Variants in SLIT1 observed in about 807,000 individuals in gnomAD.
SLIT1 encodes the protein slit homolog 1 protein.
In SLIT1, 66 loss-of-function variants were observed where a neutral mutation model predicts 186.1. The observed-to-expected ratio is 0.35, with a 90% CI of 0.29 to 0.44. The LOEUF (loss-of-function observed/expected upper bound fraction) is 0.44, where lower values mean the gene tolerates loss of function less well. Ranked by LOEUF, SLIT1 falls within the 20% of genes least tolerant of loss-of-function variation. The pLI is 1.00. For missense variants in SLIT1, 1,638 were observed against 2,037.4 expected (o/e 0.80, Z 3.77); for synonymous variants, 761 against 833.8 (o/e 0.91, Z 1.50).
At chr10:97,112,238 ACTCCCTGACAGAGCG>A (rs776473775) in intron 4 of SLIT1, among the ~76,000 whole-genome samples, 63 of 150,010 alleles carry the variant, frequency 4.2e-4, no homozygotes, top group Non-Finnish European at 8.9e-4. Context: ...AAGCTCCACC[ACTCCCTGACAGAGCG>A]CCCTGTGATA....
chr10:97,112,542 A>G (rs774146062), intron 4 of SLIT1, among the ~76,000 whole-genome samples: 1 of 152,156 alleles, frequency 6.6e-6, no homozygotes, highest in Non-Finnish European at 1.5e-5. Context: ...GCACTATCCA[A>G]TTTGATCTTC....
intron 25 of SLIT1, among the ~76,000 whole-genome samples, chr10:97,024,835 T>C (rs903529164): frequency 1.3e-5 from 2 of 152,178 alleles, no homozygotes; most frequent in Non-Finnish European, 2.9e-5. Context: ...TGTAGCTCAT[T>C]TAGAGAAAAA....
chr10:97,002,631 T>C (rs980778952), intron 35 of SLIT1, 73 bp downstream of exon 35: 14 of 1,397,824 alleles, frequency 1.0e-5, no homozygotes, highest in South Asian at 1.4e-5. Context: ...GTTGGAAAAC[T>C]GTGAGGCAGC....
Position 97,043,185 on chromosome 10 carries a change from C to T in SLIT1, c.1998-118G>A, listed in dbSNP as rs972792518. The T allele has an allele frequency of 6.9e-5, 91 of 1,314,666 alleles. No homozygotes were observed. Among genetic ancestry groups the T allele is most frequent in the Non-Finnish European group, 9.2e-5 (87 of 941,876 alleles). 81.4% of individuals were successfully genotyped at this position (1,314,666 alleles called of 1,614,324 possible). ...GGCCACATGGCACTGTCTCCCAGAC[C>T]ACCACCCATCACCAAGAGGACCGGC... On this transcript the variant is annotated intron_variant, in intron 19 of 36. Coordinates refer to ENST00000266058, the MANE Select transcript of SLIT1 (RefSeq NM_003061.3). The surrounding 1 kb of genome is among the most constrained non-coding windows in gnomAD (Gnocchi z 7.0).
intron 4 of SLIT1, among the ~76,000 whole-genome samples, chr10:97,083,488 C>A (rs933247998): frequency 6.6e-6 from 1 of 152,074 alleles, no homozygotes; most frequent in Non-Finnish European, 1.5e-5. Flanking sequence ...AAGCAGAGTG[C>A]GATCGTGAAC....
At chr10:97,137,345 T>C (rs1008300110) in intron 4 of SLIT1, among the ~76,000 whole-genome samples, 2 of 152,166 alleles carry the variant, frequency 1.3e-5, no homozygotes, top group Admixed American at 6.5e-5. Flanking sequence ...ATTCTCTTTG[T>C]TTGGGGGGAA....
chr10:97,095,293 A>G (rs936871783), intron 4 of SLIT1, among the ~76,000 whole-genome samples: 5 of 152,168 alleles, frequency 3.3e-5, no homozygotes, highest in Admixed American at 1.3e-4. Flanking sequence ...AAAAACAAAA[A>G]AAAGAGAGAG....
intron 4 of SLIT1, among the ~76,000 whole-genome samples, chr10:97,150,783 G>A (rs553182633): frequency 5.0e-4 from 76 of 152,316 alleles, no homozygotes; most frequent in South Asian, 1.7e-3. Context: ...GGCGGCATGC[G>A]TGGTGGGCGG....
intron 4 of SLIT1, among the ~76,000 whole-genome samples, chr10:97,075,288 C>T (rs1246474120): frequency 6.6e-6 from 1 of 152,254 alleles, no homozygotes; most frequent in Non-Finnish European, 1.5e-5. Context: ...TCAGTCTTCT[C>T]ATGGTAAAAT....
chr10:97,052,349 C>T (rs111453139), intron 13 of SLIT1, among the ~76,000 whole-genome samples: 17,942 of 152,112 alleles, frequency 0.12, 1,209 homozygotes, highest in South Asian at 0.17. Flanking sequence ...ATCTGCCCAC[C>T]TCAGCCTCCC....
intron 4 of SLIT1, among the ~76,000 whole-genome samples, chr10:97,079,805 G>A (rs901744272): frequency 6.6e-6 from 1 of 152,172 alleles, no homozygotes; most frequent in African/African-American, 2.4e-5. Context: ...CTCTAGTACA[G>A]CAATACCGGT....
At chr10:97,017,369 C>T (rs575834964) in intron 28 of SLIT1, among the ~76,000 whole-genome samples, 3 of 152,360 alleles carry the variant, frequency 2.0e-5, no homozygotes, top group Admixed American at 2.0e-4. Context: ...GATTCAACAT[C>T]ATTTTCGGAA....
chr10:97,125,817 C>T (rs1461367778), intron 4 of SLIT1, among the ~76,000 whole-genome samples: 3 of 151,284 alleles, frequency 2.0e-5, no homozygotes, highest in Admixed American at 1.3e-4. Context: ...CCAGCCTGGG[C>T]GACAGAGTGA....
chr10:97,106,302 T>G (rs1237584108), intron 4 of SLIT1, among the ~76,000 whole-genome samples: 2 of 152,178 alleles, frequency 1.3e-5, no homozygotes, highest in Non-Finnish European at 1.5e-5. Flanking sequence ...GGAGCTGCTG[T>G]AAACATCTTG....
In SLIT1 at chr10:97,056,481, G is replaced by T. The variant is rs777119781; in HGVS notation, c.1158-17C>A. Reference sequence around the variant, plus strand: ...TTCAGGAGCCTGTGGGCAGAGCCAGGACCAAGTGGTGAGGAGAGAGGCTCG... The same window carrying T: ...TTCAGGAGCCTGTGGGCAGAGCCAGTACCAAGTGGTGAGGAGAGAGGCTCG... On this transcript the variant is annotated splice_polypyrimidine_tract_variant and intron_variant, in intron 12 of 36. Coordinates refer to ENST00000266058, the MANE Select transcript of SLIT1 (RefSeq NM_003061.3). 1 of 1,613,720 alleles carries T rather than the reference G, an allele frequency of 6.2e-7. No homozygotes were observed.
chr10:97,013,826 A>T lies in SLIT1; in HGVS notation c.3118T>A (p.Cys1040Ser). 1 of 1,551,644 alleles carries T rather than the reference A, an allele frequency of 6.4e-7. No homozygotes were observed. The highest frequency in any genetic ancestry group is 8.7e-7 in the Non-Finnish European group (1 of 1,146,960). ...GAGCACAAGTCCACCAGCTGCTCAC[A>T]GGCCTTTCCTGGGGAAAGAACGAGC... ...QCPLQYEGKA[C>S]EQLVDLCSPD... is the part of the protein sequence containing the mutation. Residue 1040 changes from cysteine (C) to serine (S), a missense_variant, in exon 30 of 37, where the codon TGT (cysteine) becomes AGT (serine). Physicochemically the swap from Cys to Ser is moderately radical, Grantham distance 112. This residue lies in a region of SLIT1 where 1,245 missense variants were observed against 1,535.3 expected (regional missense o/e 0.81). Coordinates refer to ENST00000266058, the MANE Select transcript of SLIT1 (RefSeq NM_003061.3).
chr10:97,046,868 G>A (rs1848738704), intron 17 of SLIT1, 71 bp from the exon 18 acceptor site: 3 of 1,587,676 alleles, frequency 1.9e-6, no homozygotes, highest in Non-Finnish European at 2.6e-6. Flanking sequence ...CCTTCCTGCA[G>A]GCAACACCCC....
chr10:97,132,104 C>T (rs1478018252), intron 4 of SLIT1, among the ~76,000 whole-genome samples: 1 of 152,226 alleles, frequency 6.6e-6, no homozygotes, highest in African/African-American at 2.4e-5. Context: ...GCCCCAGGCT[C>T]ACTGCCCTGG....
In SLIT1 at chr10:97,011,050, C is replaced by G; in HGVS notation, c.3284G>C (p.Gly1095Ala). Reference protein sequence around the residue: ...DDCRDHRCQNGAQCMDEVNSY... With the variant: ...DDCRDHRCQNAAQCMDEVNSY... ...GTTGACTTCATCCATACACTGGGCC[C>G]CATTCTGGCAGCGGTGGTCCCTGCA... The change falls in exon 31 of 37, where the codon GGG (glycine) becomes GCG (alanine). Residue 1095 changes from glycine (G) to alanine (A), a missense_variant. Coordinates refer to ENST00000266058, the MANE Select transcript of SLIT1 (RefSeq NM_003061.3). The G allele has an allele frequency of 1.9e-6, 3 of 1,614,056 alleles. No homozygotes were observed. The highest frequency in any genetic ancestry group is 1.1e-5 in the South Asian group (1 of 91,084).
Sources: gnomAD v4.1 joint callset for allele counts (sites outside exome capture counted in the v4.1 genomes callset) on GRCh38, gnomAD v4.1.1 for gene constraint, gnomAD v4.1.1 regional missense constraint, Gnocchi (gnomAD v3.1) non-coding constraint, MANE v1.5 for transcripts, NCBI Gene and HGNC (gene_info 2026-07-23, HGNC 2026-07-21) for gene names.